TCF7L1: variants seen among roughly 807,000 people sequenced by gnomAD.
TCF7L1 encodes the protein transcription factor 7 like 1.
TCF7L1 carries 18 observed loss-of-function variants against 63.7 expected under a neutral mutation model. The observed-to-expected ratio is 0.28, with a 90% confidence interval of 0.20 to 0.42. TCF7L1 has a LOEUF of 0.42. Among genes scored for constraint, TCF7L1 ranks in the 10% least tolerant of loss-of-function variants. The pLI, the probability that TCF7L1 is intolerant of heterozygous loss-of-function variation, is 1.00. For missense variants in TCF7L1, 654 were observed against 779.3 expected, an observed-to-expected ratio of 0.84 and a Z score of 1.91; for synonymous variants, 355 against 340.9, an observed-to-expected ratio of 1.04 and a Z score of -0.46.
intron 3 of TCF7L1, among the ~76,000 whole-genome samples, chr2:85,205,584 T>A (rs1572991143): frequency 6.6e-6 from 1 of 151,388 alleles, no homozygotes; most frequent in African/African-American, 2.4e-5. Flanking sequence ...CAGTCTGGAG[T>A]ACAGTGGTGT....
chr2:85,138,088 C>G (rs1234878259), intron 3 of TCF7L1, among the ~76,000 whole-genome samples: 2 of 152,098 alleles, frequency 1.3e-5, no homozygotes, highest in African/African-American at 4.8e-5. Flanking sequence ...AGAAACACTT[C>G]TAGGTAGTAT....
At chr2:85,141,417 A>G (rs1349502535) in intron 3 of TCF7L1, among the ~76,000 whole-genome samples, 1 of 152,124 alleles carries the variant, frequency 6.6e-6, no homozygotes, top group Non-Finnish European at 1.5e-5. Context: ...GACTGATCTC[A>G]GGTGTGGCCC....
intron 4 of TCF7L1, among the ~76,000 whole-genome samples, chr2:85,294,527 A>G (rs191639674): frequency 6.6e-6 from 1 of 152,278 alleles, no homozygotes; most frequent in African/African-American, 2.4e-5. Context: ...CATTGTCTGC[A>G]CTAGTAATGG....
At chr2:85,280,934 T>G (rs1299278961) in intron 3 of TCF7L1, among the ~76,000 whole-genome samples, 2 of 152,076 alleles carry the variant, frequency 1.3e-5, no homozygotes, top group African/African-American at 4.8e-5. Flanking sequence ...GGTGTGGGAT[T>G]TGAAGTCCAG....
intron 3 of TCF7L1, among the ~76,000 whole-genome samples, chr2:85,198,791 G>T (rs768501378): frequency 1.3e-5 from 2 of 152,162 alleles, no homozygotes; most frequent in Non-Finnish European, 2.9e-5. Context: ...AGCCCAAGAG[G>T]TTGAGGCTGC....
intron 3 of TCF7L1, among the ~76,000 whole-genome samples, chr2:85,215,303 T>C (rs1679673781): frequency 6.6e-6 from 1 of 152,236 alleles, no homozygotes; most frequent in South Asian, 2.1e-4. Flanking sequence ...CAATAAATGC[T>C]AAAGATGCTG....
At chr2:85,289,146 A>G (rs1199371275) in intron 4 of TCF7L1, among the ~76,000 whole-genome samples, 1 of 151,144 alleles carries the variant, frequency 6.6e-6, no homozygotes, top group Non-Finnish European at 1.5e-5. Flanking sequence ...CTCTTGGGAA[A>G]ATGCCAGAAA....
At chr2:85,277,884 G>A (rs1362629195) in intron 3 of TCF7L1, among the ~76,000 whole-genome samples, 1 of 150,078 alleles carries the variant, frequency 6.7e-6, no homozygotes, top group East Asian at 1.9e-4. Flanking sequence ...GAGCCCTGTA[G>A]AGTCCTGTCC....
intron 3 of TCF7L1, among the ~76,000 whole-genome samples, chr2:85,189,263 A>G (rs1484549993): frequency 6.6e-6 from 1 of 151,984 alleles, no homozygotes; most frequent in Admixed American, 6.6e-5. Flanking sequence ...GGGACTCTCC[A>G]TTCCTGATTT....
chr2:85,202,890 G>A (rs1001872769), intron 3 of TCF7L1, among the ~76,000 whole-genome samples: 9 of 152,082 alleles, frequency 5.9e-5, no homozygotes, highest in Middle Eastern at 3.2e-3. Context: ...CTGGAGTGCA[G>A]TGGTGCCATC....
At chr2:85,211,856 G>A (rs771624406) in intron 3 of TCF7L1, among the ~76,000 whole-genome samples, 8 of 152,158 alleles carry the variant, frequency 5.3e-5, no homozygotes, top group South Asian at 2.1e-4. Context: ...CTGGGAGGCC[G>A]AGGCGGGTGG....
chr2:85,193,160 C>T (rs1456177049), intron 3 of TCF7L1, among the ~76,000 whole-genome samples: 4 of 152,160 alleles, frequency 2.6e-5, no homozygotes, highest in Non-Finnish European at 4.4e-5. Flanking sequence ...GCTAAAATGC[C>T]CATGGCTTCC....
At chr2:85,220,966 A>G (rs1259704075) in intron 3 of TCF7L1, among the ~76,000 whole-genome samples, 1 of 152,198 alleles carries the variant, frequency 6.6e-6, no homozygotes, top group Non-Finnish European at 1.5e-5. Flanking sequence ...TCGATGTATG[A>G]AGTTAGCCTA....
rs1677508930 is a variant in TCF7L1, at chr2:85,133,632, GGC to G, written c.-49_-48del. 9 of 746,034 alleles carry G rather than the reference GGC, an allele frequency of 1.2e-5. No homozygotes were observed. The highest frequency in any genetic ancestry group is 1.5e-5 in the Non-Finnish European group (9 of 613,408). 46.2% of individuals were successfully genotyped at this position (746,034 alleles called of 1,614,324 possible). ...AGGGGCGCCGGGCCGGGCCGGGCAG[GGC>G]GCGGGCGGCTAGGGGCTCCGAGAGC... On this transcript the variant is annotated 5_prime_UTR_variant, in exon 1 of 12. Transcript: ENST00000282111. The surrounding 1 kb of genome is among the most constrained non-coding windows in gnomAD (Gnocchi z 4.4).
chr2:85,139,838 T>C (rs958207271), intron 3 of TCF7L1, among the ~76,000 whole-genome samples: 4 of 152,126 alleles, frequency 2.6e-5, no homozygotes, highest in African/African-American at 9.7e-5. Flanking sequence ...CTAGGGGACC[T>C]AGAATGCCAT....
intron 4 of TCF7L1, among the ~76,000 whole-genome samples, chr2:85,290,778 G>T (rs1386868296): frequency 2.6e-5 from 4 of 152,204 alleles, no homozygotes; most frequent in Non-Finnish European, 4.4e-5. Context: ...CTGGAGACTG[G>T]CAGGGAAGAG....
chr2:85,191,607 A>T (rs1212283365), intron 3 of TCF7L1, among the ~76,000 whole-genome samples: 1 of 152,152 alleles, frequency 6.6e-6, no homozygotes, highest in East Asian at 1.9e-4. Context: ...AGGGCAGATC[A>T]CGAGGTCAGG....
chr2:85,260,588 G>A (rs1348983219), intron 3 of TCF7L1, among the ~76,000 whole-genome samples: 1 of 151,060 alleles, frequency 6.6e-6, no homozygotes, highest in Non-Finnish European at 1.5e-5. Flanking sequence ...AGGCTGCAGT[G>A]AGCCAAGATC....
chr2:85,167,171 C>T (rs916295603), intron 3 of TCF7L1: 1 of 152,308 alleles, frequency 6.6e-6, no homozygotes, highest in Non-Finnish European at 1.5e-5. Context: ...GAGATAACGC[C>T]TACTCTACAC....
Sources: allele counts gnomAD v4.1 joint callset (sites outside exome capture counted in the v4.1 genomes callset), GRCh38; gene constraint gnomAD v4.1.1; non-coding constraint Gnocchi (gnomAD v3.1); transcripts MANE v1.5; gene names NCBI Gene and HGNC (gene_info 2026-07-23, HGNC 2026-07-21).